The following FBXL19 variants were observed in gnomAD, a reference collection of about 807,000 sequenced individuals.
FBXL19 encodes the protein F-box/LRR-repeat protein 19.
Under a neutral mutation model 71.2 loss-of-function variants are expected in FBXL19, and 16 were observed. The observed-to-expected ratio is 0.22, with a 90% CI of 0.15 to 0.34. The LOEUF is 0.34. Among genes scored for constraint, FBXL19 ranks in the 10% least tolerant of loss-of-function variants. The probability of loss-of-function intolerance (pLI) is 1.00; values close to 1 mark genes in which losing one functional copy is unlikely to be tolerated. For synonymous variants in FBXL19, 447 were observed against 409.4 expected (o/e 1.09, Z -1.11); for missense variants, 658 against 968.2 (o/e 0.68, Z 4.25).
rs2055652229 is a variant in FBXL19, at chr16:30,930,104, G to A, written c.821G>A (p.Gly274Asp). The part of the protein sequence containing the change: ...KPKPPLASAE[G>D]PAVPSPSPQR... Reference sequence around the variant, plus strand: ...AAGCCGCCTTTGGCCTCTGCAGAGGGCCCAGCGGTGCCGTCCCCGTCCCCG... The same window carrying A: ...AAGCCGCCTTTGGCCTCTGCAGAGGACCCAGCGGTGCCGTCCCCGTCCCCG... Residue 274 changes from glycine (G) to aspartate (D), a missense_variant, in exon 7 of 11, where the codon GGC becomes GAC. Gly to Asp is a moderately conservative substitution (Grantham distance 94, BLOSUM62 -1). Around this residue, in one of 8 missense-constraint regions of FBXL19, gnomAD observed 447 missense variants for 515.4 expected, o/e 0.87. Transcript: ENST00000338343. This position sits in a 1 kb window ranked among gnomAD's most constrained non-coding sequence, Gnocchi z 8.5. 6.2e-7 allele frequency: 1 copy of A among 1,613,522 alleles called. No homozygotes were observed. Among genetic ancestry groups the A allele is most frequent in the East Asian group, 2.2e-5 (1 of 44,886 alleles).
chr16:30,929,996 C>CTGG, intron 6 of FBXL19, 77 bp from the exon 7 acceptor site: 1 of 1,535,208 alleles, frequency 6.5e-7, no homozygotes, highest in East Asian at 2.3e-5. Flanking sequence ...TGTTCATCCC[C>CTGG]TGGTGACTCC....
chr16:30,930,938 T>C lies in FBXL19; in HGVS notation c.1301+354T>C, dbSNP rs1269653098. Among the ~76,000 whole-genome samples the C allele has an allele frequency of 6.6e-6, 1 of 152,152 alleles. No individual in the cohort carries two copies. The highest frequency in any genetic ancestry group is 1.5e-5 in the Non-Finnish European group (1 of 68,028). On this transcript the variant is annotated intron_variant, in intron 7 of 10. Coordinates refer to ENST00000338343, the MANE Select transcript of FBXL19 (RefSeq NM_001382779.1). The surrounding 1 kb of genome is among the most constrained non-coding windows in gnomAD (Gnocchi z 8.5). The stretch of plus-strand genomic sequence containing the variant: ...AATAGTAGCGACTATATTGAGTGTC[T>C]AGTGTGTGTCAGCCATAGCACTGAG...
At chr16:30,932,868 C>A (rs959123943) in intron 7 of FBXL19, among the ~76,000 whole-genome samples, 2 of 135,386 alleles carry the variant, frequency 1.5e-5, no homozygotes, top group African/African-American at 5.7e-5. Context: ...TTTGACAGAG[C>A]CTTGCTCTGT....
chr16:30,936,601 C>CTTTTTTTTTTTTT (rs547272418), intron 7 of FBXL19, among the ~76,000 whole-genome samples: 25 of 118,168 alleles, frequency 2.1e-4, no homozygotes, highest in African/African-American at 4.2e-4. Flanking sequence ...AATTTTTTTT[C>CTTTTTTTTTTTTT]TTTTTTTTTT....
chr16:30,926,057 A>T (rs1268723437), intron 2 of FBXL19, 126 bp downstream of exon 2: 1 of 1,327,616 alleles, frequency 7.5e-7, no homozygotes, highest in Non-Finnish European at 9.6e-7. Flanking sequence ...TCTTCCCTTC[A>T]TTCACTAGTT....
intron 7 of FBXL19, among the ~76,000 whole-genome samples, chr16:30,936,462 TCTCA>T (rs1347273795): frequency 6.8e-6 from 1 of 147,284 alleles, no homozygotes; most frequent in African/African-American, 2.5e-5. Context: ...TGAGACGGAG[TCTCA>T]CTCTGTCACC....
At chr16:30,931,819 C>T (rs1023278610) in intron 7 of FBXL19, among the ~76,000 whole-genome samples, 2 of 151,860 alleles carry the variant, frequency 1.3e-5, no homozygotes, top group African/African-American at 2.4e-5. Context: ...CTCTGCCTCC[C>T]GGGTTCAAGC....
rs747165398 is a variant in FBXL19 at position 30,928,496 on chromosome 16, G to A, written c.657G>A (p.Lys219=). The change falls in exon 6 of 11, where the codon AAG becomes AAA. Residue 219 remains lysine, a synonymous_variant. Coordinates refer to ENST00000338343, the MANE Select transcript of FBXL19 (RefSeq NM_001382779.1). ...KVKGGRERHL[K]KVGGDACLLR... The stretch of plus-strand genomic sequence containing the variant: ...AAGGAGGCCGAGAGAGGCACCTGAA[G>A]AAGGTGGGTGGAGACGCCTGCCTCC... 13 of 1,598,566 alleles carry A rather than the reference G, an allele frequency of 8.1e-6. No homozygotes were observed. The highest frequency in any genetic ancestry group is 1.1e-5 in the Non-Finnish European group (13 of 1,172,398).
chr16:30,946,962 C>G lies in FBXL19; in HGVS notation c.1846+14C>G, dbSNP rs1290371188. Reference sequence around the variant, plus strand: ...TCAATCTTGCTGGTAAGCACGGTCCCCCATCCGTCCTGCCAGCCTGTGGAT... The same window carrying G: ...TCAATCTTGCTGGTAAGCACGGTCCGCCATCCGTCCTGCCAGCCTGTGGAT... On this transcript the variant is annotated intron_variant, in intron 10 of 10. Coordinates refer to ENST00000338343, the MANE Select transcript of FBXL19 (RefSeq NM_001382779.1). The surrounding 1 kb of genome is among the most constrained non-coding windows in gnomAD (Gnocchi z 6.7). 6.3e-7 allele frequency: 1 copy of G among 1,596,518 alleles called. No individual in the cohort carries two copies. Among genetic ancestry groups the G allele is most frequent in the Non-Finnish European group, 8.5e-7 (1 of 1,172,420 alleles).
chr16:30,943,782 C>T (rs1269813490), intron 9 of FBXL19, among the ~76,000 whole-genome samples: 5 of 152,122 alleles, frequency 3.3e-5, no homozygotes, highest in Admixed American at 1.3e-4. Context: ...GGATTATAGG[C>T]GTGAGCCACC....
At position 30,927,553 on chromosome 16, in the gene FBXL19, C is replaced by T. The variant is rs370942299; in HGVS notation, c.322-20C>T. On this transcript the variant is annotated intron_variant, in intron 3 of 10. Coordinates refer to ENST00000338343, the MANE Select transcript of FBXL19 (RefSeq NM_001382779.1). ...TGGGCTTCCTGGCCAACCCCCCACT[C>T]ACTGCCCTCCTGCCTACAGATGGGG... The T allele has an allele frequency of 3.6e-4, 554 of 1,554,924 alleles. No homozygotes were observed. Among genetic ancestry groups the T allele is most frequent in the Non-Finnish European group, 4.4e-4 (502 of 1,148,960 alleles).
At position 30,930,121 on chromosome 16, in the gene FBXL19, C is replaced by G. The variant is rs983034034; in HGVS notation, c.838C>G (p.Pro280Ala). The change falls in exon 7 of 11, where the codon CCG becomes GCG. Residue 280 changes from proline (P) to alanine (A), a missense_variant. This residue lies in a region of FBXL19 where 447 missense variants were observed against 515.4 expected (regional missense o/e 0.87). Coordinates refer to ENST00000338343, the MANE Select transcript of FBXL19 (RefSeq NM_001382779.1). The surrounding 1 kb of genome is among the most constrained non-coding windows in gnomAD (Gnocchi z 8.5). ...TGCAGAGGGCCCAGCGGTGCCGTCC[C>G]CGTCCCCGCAGAGGGAGAAGCTAGA... Reference protein sequence around the residue: ...ASAEGPAVPSPSPQREKLERF... With the variant: ...ASAEGPAVPSASPQREKLERF... 4 of 1,613,560 alleles carry G rather than the reference C, an allele frequency of 2.5e-6. No homozygotes were observed. The African/African-American group carries it at 5.3e-5, about 21-fold the overall frequency.
chr16:30,935,734 G>C (rs916956430), intron 7 of FBXL19, among the ~76,000 whole-genome samples: 2 of 152,156 alleles, frequency 1.3e-5, no homozygotes, highest in African/African-American at 4.8e-5. Context: ...TGTTCCCGGG[G>C]GCTTCTGCAA....
In FBXL19 at chr16:30,925,804, C is replaced by T. The variant is rs1476646769; in HGVS notation, c.50C>T (p.Thr17Ile). The T allele has an allele frequency of 2.0e-6, 3 of 1,496,368 alleles. No homozygotes were observed. The highest frequency in any genetic ancestry group is 2.9e-5 in the African/African-American group (2 of 69,154). The allele number at this position is 1,496,368 out of a possible 1,614,324, so 92.7% of individuals were successfully genotyped here. ...GGGGCCGGAGCGCGCCGACGCCGAA[C>T]CCGCTGCCGCCGCTGCCGGGCCTGT... The part of the protein sequence containing the change: ...GPGAGARRRR[T>I]RCRRCRACVR... The change falls in exon 2 of 11, where the codon ACC (threonine) becomes ATC (isoleucine). Residue 17 changes from threonine (T) to isoleucine (I), a missense_variant. Transcript: ENST00000338343. This position sits in a 1 kb window ranked among gnomAD's most constrained non-coding sequence, Gnocchi z 5.0.
At position 30,927,872 on chromosome 16, in the gene FBXL19, T is replaced by C. The variant is rs2055613824; in HGVS notation, c.536T>C (p.Leu179Pro). Residue 179 changes from leucine to proline, a missense_variant, in exon 5 of 11, where the codon CTG becomes CCG. Physicochemically the swap from Leu to Pro is moderately conservative, Grantham distance 98 (BLOSUM62 -3). This residue lies in a region of FBXL19 where 447 missense variants were observed against 515.4 expected (regional missense o/e 0.87). Coordinates refer to ENST00000338343, the MANE Select transcript of FBXL19 (RefSeq NM_001382779.1). ...PPPPPRRKGP[L>P]PAGPPPEDVP... ...CCCCCGCCCAGGCGCAAGGGCCCCCTGCCTGCCGGGCCCCCCCCGGAGGAC... is the reference window on the plus strand; with the variant it reads ...CCCCCGCCCAGGCGCAAGGGCCCCCCGCCTGCCGGGCCCCCCCCGGAGGAC... 5 of 1,529,444 alleles carry C rather than the reference T, an allele frequency of 3.3e-6. No individual in the cohort carries two copies. The highest frequency in any genetic ancestry group is 1.4e-5 in the African/African-American group (1 of 71,750). The allele number at this position is 1,529,444 out of a possible 1,614,324, so 94.7% of individuals were successfully genotyped here. A position where few individuals can be genotyped will look rare whatever the true frequency, so the allele number is the denominator to read the frequency against.
rs1188097248 is a variant in FBXL19, at chr16:30,927,975, A to G, written c.627+12A>G. 3 of 1,472,122 alleles carry G rather than the reference A, an allele frequency of 2.0e-6. No individual in the cohort carries two copies. In the East Asian group the frequency reaches 7.1e-5, roughly 35 times the overall value. The allele number at this position is 1,472,122 out of a possible 1,614,324, so 91.2% of individuals were successfully genotyped here. A position where few individuals can be genotyped will look rare whatever the true frequency, so the allele number is the denominator to read the frequency against. On this transcript the variant is annotated intron_variant, in intron 5 of 10. Transcript: ENST00000338343. ...CCCCAAGGAAAAAGGTGAGCCACGG[A>G]GCACGCTCACTAGGCTTGTCCTGAG...
chr16:30,947,849 C>A lies in FBXL19; in HGVS notation c.*619C>A. 2 of 453,140 alleles carry A rather than the reference C, an allele frequency of 4.4e-6. No individual in the cohort carries two copies. The highest frequency in any genetic ancestry group is 4.4e-6 in the Non-Finnish European group (1 of 225,232). 28.1% of individuals were successfully genotyped at this position (453,140 alleles called of 1,614,324 possible). A position where few individuals can be genotyped will look rare whatever the true frequency, so the allele number is the denominator to read the frequency against. ...CCTCTCTGCTTCCCCCCTCCCCAGG[C>A]TTCAGTTCCTTCCCCCTGACCCTGA... On this transcript the variant is annotated 3_prime_UTR_variant, in exon 11 of 11. Transcript: ENST00000338343.
intron 10 of FBXL19, 34 bp from the exon 11 acceptor site, chr16:30,947,018 C>A: frequency 1.9e-6 from 3 of 1,577,862 alleles, no homozygotes. Flanking sequence ...CCTTGCTCAC[C>A]TGCCTGGTCT....
Position 30,925,986 on chromosome 16 carries a change from A to T in FBXL19, c.177+55A>T. 4.9e-6 allele frequency: 7 copies of T among 1,425,064 alleles called. No homozygotes were observed. The highest frequency in any genetic ancestry group is 6.4e-6 in the Non-Finnish European group (7 of 1,092,278). 88.3% of individuals were successfully genotyped at this position (1,425,064 alleles called of 1,614,324 possible). On this transcript the variant is annotated intron_variant, in intron 2 of 10. Coordinates refer to ENST00000338343, the MANE Select transcript of FBXL19 (RefSeq NM_001382779.1). The surrounding 1 kb of genome is among the most constrained non-coding windows in gnomAD (Gnocchi z 5.0). ...CCCACCCTTCCCAATACCTTCTTGG[A>T]ATGGCTGGTGACTGCCTCCCAGCCT... is the stretch of plus-strand genomic sequence containing the variant.
Sources: gnomAD v4.1 joint callset for allele counts (sites outside exome capture counted in the v4.1 genomes callset) on GRCh38, gnomAD v4.1.1 for gene constraint, gnomAD v4.1.1 regional missense constraint, Gnocchi (gnomAD v3.1) non-coding constraint, MANE v1.5 for transcripts, NCBI Gene and HGNC (gene_info 2026-07-23, HGNC 2026-07-21) for gene names.